The following ZPLD1 variants were observed in gnomAD, a reference collection of about 807,000 sequenced individuals.
ZPLD1 encodes the protein zona pellucida-like domain-containing protein 1.
A neutral mutation model predicts 47.2 loss-of-function variants in ZPLD1; 34 were observed. That is an observed-to-expected ratio of 0.72 (90% CI 0.55 to 0.96). ZPLD1 has a LOEUF of 0.96. Ranked by LOEUF, ZPLD1 falls within the 40% of genes least tolerant of loss-of-function variation. The pLI is 0.00. For synonymous variants in ZPLD1, 176 were observed against 186.2 expected (o/e 0.95, Z 0.45); for missense variants, 512 against 505.8 (o/e 1.01, Z -0.12).
In ZPLD1 at chr3:102,462,385, T is replaced by G; in HGVS notation, c.680+7T>G. 1 of 1,597,782 alleles carries G rather than the reference T, an allele frequency of 6.3e-7. No individual in the cohort carries two copies. ...CCACTAATTTGGATGGCAGGTAATT[T>G]CAAACTCTTGTCTTTTTTAGGTTAA... is the stretch of plus-strand genomic sequence containing the variant. On this transcript the variant is annotated splice_region_variant and intron_variant, in intron 7 of 11. Transcript: ENST00000466937.
intron 7 of ZPLD1, among the ~76,000 whole-genome samples, chr3:102,462,945 G>A (rs1173833101): frequency 1.3e-5 from 2 of 152,100 alleles, no homozygotes; most frequent in Non-Finnish European, 2.9e-5. Context: ...AAAATGGCCT[G>A]TTTTGGGTTG....
chr3:102,447,420 G>A (rs1386806149), intron 3 of ZPLD1, among the ~76,000 whole-genome samples: 1 of 152,116 alleles, frequency 6.6e-6, no homozygotes, highest in Admixed American at 6.5e-5. Context: ...GTTTCATACA[G>A]ATGTTTACTT....
Position 102,477,005 on chromosome 3 carries a change from C to A in ZPLD1, c.1043-7C>A. 1 of 1,612,326 alleles carries A rather than the reference C, an allele frequency of 6.2e-7. No individual in the cohort carries two copies. Among genetic ancestry groups the A allele is most frequent in the Non-Finnish European group, 8.5e-7 (1 of 1,179,138 alleles). ...GTCACTTCTCTTTTTCTGTTTTTTCCCCTCAGATGAGACTCCAACCAACAA... is the reference window on the plus strand; with the variant it reads ...GTCACTTCTCTTTTTCTGTTTTTTCACCTCAGATGAGACTCCAACCAACAA... On this transcript the variant is annotated splice_polypyrimidine_tract_variant and splice_region_variant and intron_variant, in intron 10 of 11. Coordinates refer to ENST00000466937, the MANE Select transcript of ZPLD1 (RefSeq NM_001329788.2).
At chr3:102,457,990 T>A in intron 6 of ZPLD1, 137 bp downstream of exon 6, 1 of 735,926 alleles carries the variant, frequency 1.4e-6, no homozygotes, top group Non-Finnish European at 2.2e-6. Context: ...CTATTTTTGC[T>A]ACCATTTTCA....
At position 102,450,857 on chromosome 3, in the gene ZPLD1, T is replaced by A. The variant is rs192308087; in HGVS notation, c.107-2062T>A. 2.7e-3 allele frequency among the ~76,000 whole-genome samples: 412 copies of A among 152,318 alleles called. 1 individual carries two copies. The highest frequency in any genetic ancestry group is 4.8e-3 in the Non-Finnish European group (326 of 68,026). ...ACATTTATTAAAATAAACTGTATTATTTTAGAAAAAAGTATCATTTAGAAA... is the reference window on the plus strand; with the variant it reads ...ACATTTATTAAAATAAACTGTATTAATTTAGAAAAAAGTATCATTTAGAAA... On this transcript the variant is annotated intron_variant, in intron 3 of 11. Coordinates refer to ENST00000466937, the MANE Select transcript of ZPLD1 (RefSeq NM_001329788.2).
upstream of ZPLD1, among the ~76,000 whole-genome samples, chr3:102,430,394 G>A (rs1707002877): frequency 6.6e-6 from 1 of 152,092 alleles, no homozygotes; most frequent in African/African-American, 2.4e-5. Context: ...AACATATTTT[G>A]CAAACATTTT....
At chr3:102,476,172 GTAA>G (rs1372514937) in intron 10 of ZPLD1, among the ~76,000 whole-genome samples, 2 of 152,200 alleles carry the variant, frequency 1.3e-5, no homozygotes, top group South Asian at 2.1e-4. Flanking sequence ...CATATTGATT[GTAA>G]TAATATTTAT....
At chr3:102,465,320 C>A (rs75454455) in intron 8 of ZPLD1, among the ~76,000 whole-genome samples, 4,590 of 152,216 alleles carry the variant, frequency 0.03, 186 homozygotes, top group African/African-American at 0.094. Flanking sequence ...ACAGGCACTA[C>A]AATCATATAA....
intron 10 of ZPLD1, among the ~76,000 whole-genome samples, chr3:102,476,647 A>T (rs1338037405): frequency 6.6e-6 from 1 of 152,168 alleles, no homozygotes; most frequent in Non-Finnish European, 1.5e-5. Context: ...AAAAAATGTA[A>T]TAGCTGTTAA....
At chr3:102,443,164 C>A (rs1487325826) in intron 3 of ZPLD1, among the ~76,000 whole-genome samples, 1 of 152,090 alleles carries the variant, frequency 6.6e-6, no homozygotes, top group Non-Finnish European at 1.5e-5. Flanking sequence ...GGCCTTATAG[C>A]ACAATAAACT....
chr3:102,436,223 T>G (rs531765306), intron 1 of ZPLD1, among the ~76,000 whole-genome samples: 3 of 152,240 alleles, frequency 2.0e-5, no homozygotes, highest in Non-Finnish European at 4.4e-5. Context: ...GTGAGCTGTT[T>G]CAATTAACAT....
intron 3 of ZPLD1, among the ~76,000 whole-genome samples, chr3:102,452,590 C>T (rs888501726): frequency 6.6e-6 from 1 of 152,108 alleles, no homozygotes; most frequent in African/African-American, 2.4e-5. Flanking sequence ...TCTGAATTTC[C>T]TCAGTAACCT....
intron 6 of ZPLD1, among the ~76,000 whole-genome samples, chr3:102,388,955 T>G (rs1389853667): frequency 2.6e-5 from 4 of 152,220 alleles, no homozygotes; most frequent in Non-Finnish European, 5.9e-5. Context: ...ATTTTTCTCT[T>G]GTGTTGGTGT....
At chr3:102,457,520 G>C (rs12107059) in intron 5 of ZPLD1, among the ~76,000 whole-genome samples, 4,586 of 152,244 alleles carry the variant, frequency 0.03, 186 homozygotes, top group African/African-American at 0.094. Context: ...TCTGCCAAAA[G>C]CCTGTTAAAA....
At chr3:102,471,133 G>T (rs1371194116) in intron 10 of ZPLD1, among the ~76,000 whole-genome samples, 1 of 152,158 alleles carries the variant, frequency 6.6e-6, no homozygotes, top group Admixed American at 6.5e-5. Context: ...CTGCCCTGCT[G>T]TCGCCCATGA....
chr3:102,388,455 C>CTGTGTGTGTG lies in ZPLD1; in HGVS notation c.-213+3158_-213+3167dup, dbSNP rs55700835. Among the ~76,000 whole-genome samples, 28 of 135,494 alleles carry CTGTGTGTGTG rather than the reference C, an allele frequency of 2.1e-4. No individual in the cohort carries two copies. The East Asian group carries it at 5.3e-3, about 26-fold the overall frequency. The allele number at this position is 135,494 out of a possible 152,430, so 88.9% of individuals were successfully genotyped here. On this transcript the variant is annotated intron_variant, in intron 6 of 17. Coordinates refer to the ZPLD1 transcript ENST00000491959. ...TCTCTCTCTCTCTCTCTCTCTCTGT[C>CTGTGTGTGTG]TGTGTGTGTGTGTGTGTGTGTGTGT... is the stretch of plus-strand genomic sequence containing the variant.
At chr3:102,447,268 G>A (rs1707270966) in intron 3 of ZPLD1, among the ~76,000 whole-genome samples, 2 of 152,108 alleles carry the variant, frequency 1.3e-5, no homozygotes, top group East Asian at 3.9e-4. Context: ...GTTTCACCAT[G>A]TTGGCCAGGA....
intron 7 of ZPLD1, among the ~76,000 whole-genome samples, chr3:102,402,206 T>A (rs1706629336): frequency 1.3e-5 from 2 of 152,070 alleles, no homozygotes; most frequent in African/African-American, 4.8e-5. Context: ...AGTTTAAGTA[T>A]TTTACTGCTC....
rs532260408 is a variant in ZPLD1, at chr3:102,465,138, T to A, written c.761+887T>A. 6.6e-5 allele frequency among the ~76,000 whole-genome samples: 10 copies of A among 152,324 alleles called. No individual in the cohort carries two copies. In the South Asian group the frequency reaches 2.1e-3, roughly 32 times the overall value. ...CAGTATGTATCAAAATACTTAAAAA[T>A]TTCATATTCTTTGATTCTAGCTTTA... On this transcript the variant is annotated intron_variant, in intron 8 of 11. Transcript: ENST00000466937.
Sources: allele counts gnomAD v4.1 joint callset (sites outside exome capture counted in the v4.1 genomes callset), GRCh38; gene constraint gnomAD v4.1.1; transcripts MANE v1.5; gene names NCBI Gene and HGNC (gene_info 2026-07-23, HGNC 2026-07-21).